RPGRIP1L: variants seen among roughly 807,000 people sequenced by gnomAD.
RPGRIP1L encodes the protein protein fantom.
Under a neutral mutation model 160.4 loss-of-function variants are expected in RPGRIP1L, and 131 were observed. The observed-to-expected ratio is 0.82, with a 90% CI of 0.71 to 0.94. The LOEUF (loss-of-function observed/expected upper bound fraction) is 0.94. RPGRIP1L is among the 40% of genes least tolerant of loss of function. The probability of loss-of-function intolerance (pLI) is 0.00; values close to 1 mark genes in which losing one functional copy is unlikely to be tolerated. For missense variants in RPGRIP1L, 1,522 were observed against 1,535.8 expected (o/e 0.99, Z 0.15); for synonymous variants, 510 against 515.8 (o/e 0.99, Z 0.15).
chr16:53,605,649 A>C, intron 25 of RPGRIP1L, 35 bp from the exon 26 acceptor site: 1 of 1,612,146 alleles, frequency 6.2e-7, no homozygotes, highest in Non-Finnish European at 8.5e-7. Context: ...GTCACCACCA[A>C]GTGAGAAGAA....
chr16:53,648,657 C>CACACACAA (rs3221836), intron 16 of RPGRIP1L, among the ~76,000 whole-genome samples: 1 of 151,510 alleles, frequency 6.6e-6, no homozygotes, highest in Non-Finnish European at 1.5e-5. Context: ...CACACACACA[C>CACACACAA]AAAAGTGCAT....
intron 17 of RPGRIP1L, 111 bp from the exon 18 acceptor site, chr16:53,641,586 A>T: frequency 1.0e-6 from 1 of 988,554 alleles, no homozygotes; most frequent in Non-Finnish European, 1.5e-6. Flanking sequence ...CTACCATGTG[A>T]ACTAGCCAGG....
At chr16:53,653,890 A>T (rs1180433282) in intron 14 of RPGRIP1L, among the ~76,000 whole-genome samples, 2 of 152,172 alleles carry the variant, frequency 1.3e-5, no homozygotes, top group Non-Finnish European at 2.9e-5. Context: ...CTATATTTCT[A>T]AAGTTTTGTT....
intron 6 of RPGRIP1L, among the ~76,000 whole-genome samples, chr16:53,681,597 C>A (rs1272997972): frequency 6.6e-6 from 1 of 152,104 alleles, no homozygotes; most frequent in African/African-American, 2.4e-5. Context: ...GCAAAAATCA[C>A]AACTCACTCT....
intron 6 of RPGRIP1L, among the ~76,000 whole-genome samples, chr16:53,678,393 T>C (rs1025865491): frequency 2.0e-5 from 3 of 152,146 alleles, no homozygotes. Flanking sequence ...TGCTACTGGG[T>C]GCCATAATAA....
intron 16 of RPGRIP1L, among the ~76,000 whole-genome samples, chr16:53,648,213 T>TA (rs538546280): frequency 7.6e-4 from 115 of 152,038 alleles, no homozygotes; most frequent in African/African-American, 2.6e-3. Context: ...TATTGGATCA[T>TA]GGAACTAATA....
intron 26 of RPGRIP1L, chr16:53,605,268 C>T (rs1289210331): frequency 4.9e-6 from 3 of 607,252 alleles, no homozygotes; most frequent in Non-Finnish European, 8.8e-6. Flanking sequence ...AATTATTTTA[C>T]AATTGCTGTT....
intron 22 of RPGRIP1L, among the ~76,000 whole-genome samples, chr16:53,636,052 T>G (rs1598286844): frequency 6.6e-6 from 1 of 152,288 alleles, no homozygotes; most frequent in East Asian, 1.9e-4. Context: ...GAGTAGTCTA[T>G]GAATTCACAT....
At position 53,671,419 on chromosome 16, in the gene RPGRIP1L, G is replaced by C. The variant is rs962538769; in HGVS notation, c.1103+91C>G. On this transcript the variant is annotated intron_variant, in intron 9 of 26. Transcript: ENST00000647211. ...TGCTATCATTTGTTGCTAATTCTTT[G>C]ATCAACATGATCTATTCTGACAACA... is the stretch of plus-strand genomic sequence containing the variant. 6 of 804,070 alleles carry C rather than the reference G, an allele frequency of 7.5e-6. No homozygotes were observed. The Admixed American group carries it at 8.2e-5, about 11-fold the overall frequency. The allele number at this position is 804,070 out of a possible 1,614,324, so 49.8% of individuals were successfully genotyped here.
intron 9 of RPGRIP1L, among the ~76,000 whole-genome samples, chr16:53,671,142 T>C (rs548778574): frequency 1.3e-5 from 2 of 152,202 alleles, no homozygotes; most frequent in Admixed American, 6.5e-5. Context: ...TTTTGCTTCA[T>C]CTTCCTTGTC....
At chr16:53,620,989 T>C (rs1041747388) in intron 23 of RPGRIP1L, among the ~76,000 whole-genome samples, 4 of 152,186 alleles carry the variant, frequency 2.6e-5, no homozygotes, top group Non-Finnish European at 4.4e-5. Flanking sequence ...AACATTTATG[T>C]TTCTGCACAA....
intron 6 of RPGRIP1L, among the ~76,000 whole-genome samples, chr16:53,685,491 T>C (rs1399145698): frequency 6.6e-6 from 1 of 152,228 alleles, no homozygotes; most frequent in Non-Finnish European, 1.5e-5. Flanking sequence ...AAAGATAATG[T>C]GGTACATACA....
intron 2 of RPGRIP1L, among the ~76,000 whole-genome samples, chr16:53,697,419 C>G (rs1053017726): frequency 9.9e-5 from 15 of 152,218 alleles, no homozygotes; most frequent in South Asian, 4.2e-4. Flanking sequence ...CAAGCCGAAG[C>G]TGGACTGTGC....
At chr16:53,612,741 C>T (rs1964134681) in intron 24 of RPGRIP1L, among the ~76,000 whole-genome samples, 1 of 151,968 alleles carries the variant, frequency 6.6e-6, no homozygotes, top group Admixed American at 6.6e-5. Flanking sequence ...TGGTAAAATA[C>T]ACATAACATA....
intron 21 of RPGRIP1L, among the ~76,000 whole-genome samples, chr16:53,637,404 T>C (rs865922347): frequency 9.9e-5 from 15 of 152,276 alleles, no homozygotes; most frequent in Middle Eastern, 3.4e-3. Context: ...ATGCAAATAA[T>C]AATACTGAAC....
At chr16:53,611,886 C>T (rs972721863) in intron 24 of RPGRIP1L, among the ~76,000 whole-genome samples, 11 of 152,210 alleles carry the variant, frequency 7.2e-5, no homozygotes, top group African/African-American at 2.2e-4. Flanking sequence ...GATGTAAAGG[C>T]TCCCCTGTGA....
chr16:53,694,324 C>G (rs1426246641), intron 3 of RPGRIP1L: 4 of 150,928 alleles, frequency 2.7e-5, no homozygotes, highest in African/African-American at 9.8e-5. Flanking sequence ...GTGATCCCAG[C>G]TACTCGGGAG....
Position 53,641,092 on chromosome 16 carries a change from G to A in RPGRIP1L, c.2899C>T (p.Arg967Cys), listed in dbSNP as rs759942433. The change falls in exon 19 of 27, where the codon CGT (arginine) becomes TGT (cysteine). Residue 967 changes from arginine (R) to cysteine (C), a missense_variant. Physicochemically the swap from Arg to Cys is radical, Grantham distance 180. Transcript: ENST00000647211. ...VLAPRPKPRQ[R>C]LTPVDKKVSF... ...ACCTTCTTATCTACAGGTGTTAAAC[G>A]TTGTCTTGGTTTAGGTCTTGGTGCC... The A allele has an allele frequency of 1.1e-5, 17 of 1,613,574 alleles. No individual in the cohort carries two copies. The highest frequency in any genetic ancestry group is 2.2e-5 in the South Asian group (2 of 91,070).
chr16:53,653,817 T>C (rs1567843037), intron 14 of RPGRIP1L, among the ~76,000 whole-genome samples: 2 of 152,246 alleles, frequency 1.3e-5, no homozygotes, highest in African/African-American at 4.8e-5. Context: ...TTTGTCATTA[T>C]TAATATGCTA....
Sources: gnomAD v4.1 joint callset for allele counts (sites outside exome capture counted in the v4.1 genomes callset) on GRCh38, gnomAD v4.1.1 for gene constraint, MANE v1.5 for transcripts, NCBI Gene and HGNC (gene_info 2026-07-23, HGNC 2026-07-21) for gene names.